TLN2: variants seen among roughly 807,000 people sequenced by gnomAD.
TLN2 encodes talin-2.
Under a neutral mutation model 294.7 loss-of-function variants are expected in TLN2, and 118 were observed. The observed-to-expected ratio is 0.40, with a 90% CI of 0.34 to 0.47. TLN2 has a LOEUF of 0.47. Among genes scored for constraint, TLN2 ranks in the 20% least tolerant of loss-of-function variants. The probability of loss-of-function intolerance (pLI) is 0.84; values close to 1 mark genes in which losing one functional copy is unlikely to be tolerated. For synonymous variants in TLN2, 1,431 were observed against 1,304.5 expected, an observed-to-expected ratio of 1.10 and a Z score of -2.09; for missense variants, 3,083 against 3,282.2, an observed-to-expected ratio of 0.94 and a Z score of 1.48.
At chr15:62,434,868 ATCAC>A (rs763635782) in intron 1 of TLN2, among the ~76,000 whole-genome samples, 180 of 152,344 alleles carry the variant, frequency 1.2e-3, no homozygotes, top group Middle Eastern at 0.01. Flanking sequence ...AGATCAACCC[ATCAC>A]CTAGGTATTA....
intron 2 of TLN2, among the ~76,000 whole-genome samples, chr15:62,594,815 C>T (rs2046350492): frequency 6.6e-6 from 1 of 152,088 alleles, no homozygotes; most frequent in African/African-American, 2.4e-5. Flanking sequence ...AATGGGATTA[C>T]ATTAAACTAA....
rs906212133 is a variant in TLN2 at position 62,719,856 on chromosome 15, C to T, written c.2967C>T (p.Ile989=). 3.1e-6 allele frequency: 5 copies of T among 1,611,098 alleles called. No individual in the cohort carries two copies. The highest frequency in any genetic ancestry group is 4.2e-6 in the Non-Finnish European group (5 of 1,178,598). The change falls in exon 25 of 59, where the codon ATC becomes ATT. Residue 989 remains isoleucine (I), a synonymous_variant. Coordinates refer to ENST00000636159, the MANE Select transcript of TLN2 (RefSeq NM_015059.3). ...AEDLSAQLAL[I]ISSQNFLQPG... The stretch of plus-strand genomic sequence containing the variant: ...ACCTGAGTGCCCAGCTGGCTCTCAT[C>T]ATCTCCAGCCAGAACTTCCTCCAGG...
At position 62,834,822 on chromosome 15, in the gene TLN2, T is replaced by C. The variant is rs576944461; in HGVS notation, c.7129-915T>C. 8.5e-5 allele frequency: 13 copies of C among 152,322 alleles called. No homozygotes were observed. The East Asian group carries it at 1.5e-3, about 18-fold the overall frequency. 9.4% of individuals were successfully genotyped at this position (152,322 alleles called of 1,614,324 possible). ...AAAAAAAATCCTGGTTATTTCAACA[T>C]TGATAAAGGGCTATGTGTCCAACAC... On this transcript the variant is annotated intron_variant, in intron 55 of 58. Coordinates refer to ENST00000636159, the MANE Select transcript of TLN2 (RefSeq NM_015059.3).
chr15:62,731,346 T>C (rs1036087557), intron 28 of TLN2, among the ~76,000 whole-genome samples: 3 of 152,192 alleles, frequency 2.0e-5, no homozygotes, highest in African/African-American at 7.2e-5. Flanking sequence ...GTTTTCTTTT[T>C]TTTTCTTTAA....
At chr15:62,642,438 G>A (rs753073586) in intron 3 of TLN2, among the ~76,000 whole-genome samples, 8 of 152,314 alleles carry the variant, frequency 5.3e-5, no homozygotes, top group South Asian at 2.1e-4. Flanking sequence ...TGAAAAGCCC[G>A]GAGAGGGGTT....
At chr15:62,584,101 T>C (rs986734124) in intron 1 of TLN2, among the ~76,000 whole-genome samples, 2 of 152,226 alleles carry the variant, frequency 1.3e-5, no homozygotes, top group Admixed American at 6.5e-5. Context: ...TCAACAATTA[T>C]TTACATAAAA....
At chr15:62,578,522 C>G (rs555685137) in intron 1 of TLN2, among the ~76,000 whole-genome samples, 1 of 152,048 alleles carries the variant, frequency 6.6e-6, no homozygotes, top group African/African-American at 2.4e-5. Flanking sequence ...AGTGAGATTG[C>G]GCCACTGCAC....
chr15:62,407,323 T>C (rs2033466063), intron 1 of TLN2, among the ~76,000 whole-genome samples: 1 of 152,166 alleles, frequency 6.6e-6, no homozygotes. Context: ...CTCCTCAGTA[T>C]CATAGGTTTC....
intron 1 of TLN2, among the ~76,000 whole-genome samples, chr15:62,529,916 C>A (rs2040950067): frequency 6.6e-6 from 1 of 152,158 alleles, no homozygotes; most frequent in African/African-American, 2.4e-5. Context: ...TTAGGCCAGG[C>A]ACCAATGGCT....
intron 12 of TLN2, among the ~76,000 whole-genome samples, chr15:62,689,416 G>A (rs2057583283): frequency 6.6e-6 from 1 of 152,250 alleles, no homozygotes; most frequent in South Asian, 2.1e-4. Flanking sequence ...TGTGATGAAA[G>A]AAACTCATGA....
intron 1 of TLN2, among the ~76,000 whole-genome samples, chr15:62,478,449 T>C (rs1372277648): frequency 6.6e-6 from 1 of 152,142 alleles, no homozygotes; most frequent in East Asian, 1.9e-4. Context: ...TGTGGCTCCT[T>C]GAGGTGGGGG....
chr15:62,749,278 G>C (rs1382929503), intron 33 of TLN2, among the ~76,000 whole-genome samples: 1 of 152,194 alleles, frequency 6.6e-6, no homozygotes, highest in South Asian at 2.1e-4. Context: ...AATGAGAAGG[G>C]GATTGTTATC....
At chr15:62,734,068 C>T (rs886576878) in intron 28 of TLN2, 1 of 152,132 alleles carries the variant, frequency 6.6e-6, no homozygotes, top group Non-Finnish European at 1.5e-5. Flanking sequence ...CAAGAAGATC[C>T]TTGATGTGCT....
intron 1 of TLN2, among the ~76,000 whole-genome samples, chr15:62,506,794 C>T (rs1360437574): frequency 6.6e-6 from 1 of 152,224 alleles, no homozygotes; most frequent in African/African-American, 2.4e-5. Context: ...GAGCAGGAAA[C>T]TATCTTTTCA....
chr15:62,639,610 C>G (rs4774445), intron 3 of TLN2, among the ~76,000 whole-genome samples: 150,862 of 152,340 alleles, frequency 0.99, 74,709 homozygotes, highest in East Asian at 1. Context: ...GAGCTTAACT[C>G]TCCTGGTCCT....
In TLN2 at chr15:62,562,933, C is replaced by CAT. The variant is rs1245245995; in HGVS notation, c.-237-26753_-237-26752insTA. On this transcript the variant is annotated intron_variant, in intron 1 of 58. Transcript: ENST00000636159. ...ACACACACACACACACACACACACA[C>CAT]ACACACACACACACACACACACACA... Among the ~76,000 whole-genome samples the CAT allele has an allele frequency of 6.8e-5, 10 of 147,860 alleles. No homozygotes were observed. In the South Asian group the frequency reaches 2.0e-3, roughly 29 times the overall value.
At chr15:62,800,877 A>G (rs2141144228) in intron 50 of TLN2, 108 bp downstream of exon 50, 1 of 841,888 alleles carries the variant, frequency 1.2e-6, no homozygotes, top group Middle Eastern at 3.5e-4. Context: ...AAACACCTGA[A>G]CTGAGAATGC....
At chr15:62,597,491 G>A (rs146536875) in intron 2 of TLN2, among the ~76,000 whole-genome samples, 2,182 of 152,246 alleles carry the variant, frequency 0.014, 25 homozygotes, top group Middle Eastern at 0.034. Flanking sequence ...GTTCTTCTGG[G>A]TTCTCAGTCA....
At chr15:62,770,005 T>A (rs189096654) in intron 41 of TLN2, among the ~76,000 whole-genome samples, 2 of 152,272 alleles carry the variant, frequency 1.3e-5, no homozygotes, top group East Asian at 3.9e-4. Flanking sequence ...AAACACCAAA[T>A]GATAAACTTC....
Sources: allele counts gnomAD v4.1 joint callset (sites outside exome capture counted in the v4.1 genomes callset), GRCh38; gene constraint gnomAD v4.1.1; transcripts MANE v1.5; gene names NCBI Gene and HGNC (gene_info 2026-07-23, HGNC 2026-07-21).